The following METTL15 variants were observed in gnomAD, a reference collection of about 807,000 sequenced individuals.
METTL15 encodes methyltransferase 15, mitochondrial 12S rRNA N4-cytidine.
METTL15 carries 34 observed loss-of-function variants against 38.3 expected under a neutral mutation model. The ratio of observed to expected loss-of-function variants is 0.89; its 90% CI spans 0.68 to 1.18. The LOEUF (loss-of-function observed/expected upper bound fraction) is 1.18. METTL15 is among the 50% of genes most tolerant of loss of function. The pLI is 0.00. For missense variants in METTL15, 438 were observed against 498.4 expected (o/e 0.88, Z 1.15); for synonymous variants, 162 against 170.9 (o/e 0.95, Z 0.41).
intron 1 of METTL15, among the ~76,000 whole-genome samples, chr11:28,108,829 G>A (rs964967003): frequency 2.0e-5 from 3 of 152,144 alleles, no homozygotes; most frequent in Non-Finnish European, 4.4e-5. Context: ...TAGGTGAAGT[G>A]ATTTTTTTTA....
intron 3 of METTL15, among the ~76,000 whole-genome samples, chr11:28,339,528 G>A (rs1420346223): frequency 1.3e-4 from 18 of 134,286 alleles, no homozygotes; most frequent in African/African-American, 2.2e-4. Context: ...GACATAAAGA[G>A]AATGCAAAAA....
At chr11:28,451,084 G>C (rs2133447862) in intron 6 of METTL15, among the ~76,000 whole-genome samples, 1 of 152,236 alleles carries the variant, frequency 6.6e-6, no homozygotes, top group East Asian at 1.9e-4. Context: ...ATTCTTAGTT[G>C]AAAGCTACAA....
At chr11:28,257,957 T>G (rs1855039408) in intron 4 of METTL15, among the ~76,000 whole-genome samples, 1 of 152,180 alleles carries the variant, frequency 6.6e-6, no homozygotes, top group East Asian at 1.9e-4. Flanking sequence ...TTCTTCTGTG[T>G]TTGGTCATGG....
At chr11:28,291,197 C>T (rs1856499396) in intron 5 of METTL15, among the ~76,000 whole-genome samples, 1 of 151,774 alleles carries the variant, frequency 6.6e-6, no homozygotes, top group Non-Finnish European at 1.5e-5. Context: ...CAGACGTGTA[C>T]CAGCATGCCC....
chr11:28,184,361 A>G (rs182758772), intron 3 of METTL15, among the ~76,000 whole-genome samples: 276 of 152,024 alleles, frequency 1.8e-3, no homozygotes, highest in Non-Finnish European at 2.9e-3. Flanking sequence ...TAGAGTGTCA[A>G]TTTTAGATCA....
chr11:28,164,027 A>AATT (rs1243541520), intron 3 of METTL15: 1 of 152,106 alleles, frequency 6.6e-6, no homozygotes, highest in Non-Finnish European at 1.5e-5. Context: ...GGTAATTGTA[A>AATT]TTCAGAAGAA....
At chr11:28,309,187 C>A (rs553123693) in intron 6 of METTL15, among the ~76,000 whole-genome samples, 2 of 152,166 alleles carry the variant, frequency 1.3e-5, no homozygotes, top group African/African-American at 4.8e-5. Context: ...CTCTTCCTGG[C>A]GTTGTTGTCC....
intron 6 of METTL15, among the ~76,000 whole-genome samples, chr11:28,328,714 T>A (rs2134060848): frequency 6.6e-6 from 1 of 152,226 alleles, no homozygotes; most frequent in Admixed American, 6.5e-5. Context: ...ATTATATTTA[T>A]TAGTTTATTT....
At chr11:28,465,892 C>T (rs1851252998) in intron 6 of METTL15, among the ~76,000 whole-genome samples, 1 of 152,212 alleles carries the variant, frequency 6.6e-6, no homozygotes, top group South Asian at 2.1e-4. Flanking sequence ...TGCCAAATGT[C>T]TTCTAAGAGG....
At chr11:28,438,896 C>T (rs748733267) in intron 6 of METTL15, among the ~76,000 whole-genome samples, 2 of 151,746 alleles carry the variant, frequency 1.3e-5, no homozygotes, top group Non-Finnish European at 2.9e-5. Flanking sequence ...AGGCTGGTCT[C>T]GAACCCCTGA....
chr11:28,228,462 T>TTA (rs1853567004), intron 4 of METTL15, among the ~76,000 whole-genome samples: 1 of 151,996 alleles, frequency 6.6e-6, no homozygotes, highest in South Asian at 2.1e-4. Context: ...GCATATCTTT[T>TTA]TAATGAGTCA....
chr11:28,143,832 C>T (rs758859435), intron 3 of METTL15, among the ~76,000 whole-genome samples: 10 of 152,142 alleles, frequency 6.6e-5, no homozygotes, highest in African/African-American at 1.4e-4. Flanking sequence ...TTTAATGACT[C>T]GGTTTAGGAA....
chr11:28,208,682 C>A (rs1294751788), intron 3 of METTL15, among the ~76,000 whole-genome samples: 5 of 151,928 alleles, frequency 3.3e-5, no homozygotes, highest in East Asian at 3.9e-4. Context: ...TTTTTGTCTC[C>A]TTGATCTGTC....
At chr11:28,238,179 T>G (rs1854105475) in intron 4 of METTL15, among the ~76,000 whole-genome samples, 1 of 152,194 alleles carries the variant, frequency 6.6e-6, no homozygotes, top group Non-Finnish European at 1.5e-5. Context: ...TACTGCTGTC[T>G]TTTTGTTTGT....
intron 4 of METTL15, among the ~76,000 whole-genome samples, chr11:28,222,964 A>T (rs1026980021): frequency 3.9e-5 from 6 of 152,172 alleles, no homozygotes; most frequent in Non-Finnish European, 8.8e-5. Context: ...TTCAGTAGCA[A>T]TAATGAGGGC....
intron 5 of METTL15, among the ~76,000 whole-genome samples, chr11:28,408,597 A>C (rs1219903925): frequency 1.3e-5 from 2 of 152,220 alleles, no homozygotes; most frequent in African/African-American, 2.4e-5. Flanking sequence ...GGAATGGATA[A>C]ATAAATGATC....
At position 28,257,556 on chromosome 11, in the gene METTL15, C is replaced by T. The variant is rs146748053; in HGVS notation, c.408-32650C>T. Among the ~76,000 whole-genome samples the T allele has an allele frequency of 2.1e-3, 315 of 152,274 alleles. 3 individuals carry two copies. The highest frequency in any genetic ancestry group is 6.8e-3 in the Middle Eastern group (2 of 294). ...TGCCCTTTGGGGCTATTATCTACATCCTGTAGGCATGCTTCATGTTTTTTA... is the reference window on the plus strand; with the variant it reads ...TGCCCTTTGGGGCTATTATCTACATTCTGTAGGCATGCTTCATGTTTTTTA... On this transcript the variant is annotated intron_variant, in intron 4 of 6. Transcript: ENST00000407364.
chr11:28,322,673 A>T (rs748452771), intron 6 of METTL15, among the ~76,000 whole-genome samples: 1 of 152,190 alleles, frequency 6.6e-6, no homozygotes, highest in African/African-American at 2.4e-5. Flanking sequence ...CAAGATTCAC[A>T]TACAGTTGCA....
At chr11:28,379,768 G>A (rs1002888089) in intron 5 of METTL15, among the ~76,000 whole-genome samples, 1 of 152,072 alleles carries the variant, frequency 6.6e-6, no homozygotes, top group African/African-American at 2.4e-5. Context: ...CTTTGTTGAT[G>A]TTTTCTGTCT....
Sources: allele counts gnomAD v4.1 joint callset (sites outside exome capture counted in the v4.1 genomes callset), GRCh38; gene constraint gnomAD v4.1.1; transcripts MANE v1.5; gene names NCBI Gene and HGNC (gene_info 2026-07-23, HGNC 2026-07-21).